Variants in CTNND2 observed in about 807,000 individuals in gnomAD.
The protein encoded by CTNND2 is catenin delta-2.
A neutral mutation model predicts 144.4 loss-of-function variants in CTNND2; 22 were observed. The ratio of observed to expected loss-of-function variants is 0.15; its 90% confidence interval spans 0.11 to 0.22. The LOEUF is 0.22. Among genes scored for constraint, CTNND2 ranks in the 10% least tolerant of loss-of-function variants. CTNND2 has a pLI of 1.00. For synonymous variants in CTNND2, 751 were observed against 695.6 expected (o/e 1.08, Z -1.25); for missense variants, 1,353 against 1,618.8 (o/e 0.84, Z 2.82).
At chr5:11,179,993 C>T (rs142538596) in intron 11 of CTNND2, among the ~76,000 whole-genome samples, 2 of 152,300 alleles carry the variant, frequency 1.3e-5, no homozygotes, top group South Asian at 2.1e-4. Flanking sequence ...ATTGAGGGAT[C>T]GCTGAGGCTA....
chr5:11,052,214 A>G (rs1219904922), intron 16 of CTNND2, among the ~76,000 whole-genome samples: 1 of 152,140 alleles, frequency 6.6e-6, no homozygotes, highest in East Asian at 1.9e-4. Flanking sequence ...TCTCAATATC[A>G]TCTGGCTTTT....
At chr5:11,349,021 A>T (rs1293070138) in intron 8 of CTNND2, among the ~76,000 whole-genome samples, 1 of 152,112 alleles carries the variant, frequency 6.6e-6, no homozygotes, top group Non-Finnish European at 1.5e-5. Context: ...AAAGGTGGAG[A>T]ACTGGTTCCT....
rs578098885 is a variant in CTNND2, at chr5:11,385,089, CGCGGCGGCGGCG to C, written c.741_752del (p.Ala248_Ala251del). On this transcript the variant is annotated inframe_deletion, in exon 7 of 22. Coordinates refer to ENST00000304623, the MANE Select transcript of CTNND2 (RefSeq NM_001332.4). ...GCAGCGTGGAGCTGGAGTAGTAGAG[CGCGGCGGCGGCG>C]GCGGCGGGCGGCGCGTCGGGCAGGT... 8.5e-6 allele frequency: 9 copies of C among 1,054,202 alleles called. No individual in the cohort carries two copies. The highest frequency in any genetic ancestry group is 1.7e-5 in the African/African-American group (1 of 57,612). The allele number at this position is 1,054,202 out of a possible 1,614,324, so 65.3% of individuals were successfully genotyped here.
chr5:11,637,702 C>A (rs1163806731), intron 2 of CTNND2, among the ~76,000 whole-genome samples: 1 of 152,124 alleles, frequency 6.6e-6, no homozygotes, highest in Non-Finnish European at 1.5e-5. Context: ...CAACATCAAT[C>A]TTCTCAACAA....
intron 2 of CTNND2, among the ~76,000 whole-genome samples, chr5:11,702,479 C>G (rs1043198916): frequency 6.6e-6 from 1 of 152,152 alleles, no homozygotes; most frequent in African/African-American, 2.4e-5. Flanking sequence ...GCCCCATGTT[C>G]ATATTAGTTA....
chr5:11,494,482 A>T (rs568770188), intron 3 of CTNND2, among the ~76,000 whole-genome samples: 2 of 152,324 alleles, frequency 1.3e-5, no homozygotes, highest in African/African-American at 2.4e-5. Context: ...AGAAAAAAAA[A>T]TTTGAAATAA....
intron 9 of CTNND2, among the ~76,000 whole-genome samples, chr5:11,240,656 AAC>A (rs1321141513): frequency 1.4e-5 from 2 of 138,746 alleles, no homozygotes; most frequent in African/African-American, 5.5e-5. Flanking sequence ...CCCAACACCC[AAC>A]ACACTCACCC....
At chr5:11,599,535 T>C (rs1462387089) in intron 2 of CTNND2, among the ~76,000 whole-genome samples, 2 of 152,176 alleles carry the variant, frequency 1.3e-5, no homozygotes, top group African/African-American at 2.4e-5. Flanking sequence ...TTGCCATATA[T>C]AGCATTTCTT....
At chr5:11,493,495 T>C (rs1231920544) in intron 3 of CTNND2, among the ~76,000 whole-genome samples, 1 of 152,228 alleles carries the variant, frequency 6.6e-6, no homozygotes, top group Admixed American at 6.5e-5. Flanking sequence ...TGAATTAACT[T>C]AATGTTTAAA....
At position 11,412,027 on chromosome 5, in the gene CTNND2, G is replaced by T. The variant is rs1189052819; in HGVS notation, c.322+8C>A. On this transcript the variant is annotated splice_region_variant and intron_variant, in intron 4 of 21. Transcript: ENST00000304623. ...AGTGTAAGTGTTCATCAATAAGATAGACATTACCTTGTGACTGCCACTGAA... is the reference window on the plus strand; with the variant it reads ...AGTGTAAGTGTTCATCAATAAGATATACATTACCTTGTGACTGCCACTGAA... 1.2e-6 allele frequency: 2 copies of T among 1,606,778 alleles called. No individual in the cohort carries two copies. The highest frequency in any genetic ancestry group is 3.3e-5 in the Admixed American group (2 of 59,962).
At chr5:11,208,867 A>G (rs1580592874) in intron 10 of CTNND2, among the ~76,000 whole-genome samples, 1 of 152,304 alleles carries the variant, frequency 6.6e-6, no homozygotes, top group East Asian at 1.9e-4. Flanking sequence ...AGAAGTTTAG[A>G]TACTTAGCAT....
chr5:11,651,605 C>A lies in CTNND2; in HGVS notation c.174+80531G>T, dbSNP rs79358978. On this transcript the variant is annotated intron_variant, in intron 2 of 21. Coordinates refer to ENST00000304623, the MANE Select transcript of CTNND2 (RefSeq NM_001332.4). ...ATAGGCATGTGGCCCATGAAAGCAG[C>A]CACAGAAGCTGTAACCTGCAAAGCC... Among the ~76,000 whole-genome samples, 31 of 152,332 alleles carry A rather than the reference C, an allele frequency of 2.0e-4. No homozygotes were observed. In the East Asian group the frequency reaches 5.8e-3, roughly 28 times the overall value.
intron 3 of CTNND2, among the ~76,000 whole-genome samples, chr5:11,425,753 C>A (rs1487714422): frequency 6.6e-6 from 1 of 152,210 alleles, no homozygotes; most frequent in Non-Finnish European, 1.5e-5. Context: ...TTTTTATCAT[C>A]TCTTGCCTGG....
intron 9 of CTNND2, among the ~76,000 whole-genome samples, chr5:11,303,309 TGCTCATGGA>T (rs1439374367): frequency 6.6e-6 from 1 of 152,224 alleles, no homozygotes; most frequent in Non-Finnish European, 1.5e-5. Context: ...CAGTACAGGT[TGCTCATGGA>T]ACTCACAAGG....
chr5:11,604,917 TTTAA>T (rs1779974802), intron 2 of CTNND2, among the ~76,000 whole-genome samples: 1 of 152,198 alleles, frequency 6.6e-6, no homozygotes, highest in Non-Finnish European at 1.5e-5. Flanking sequence ...TTATCTGTGC[TTTAA>T]GAATGTTGAG....
In CTNND2 at chr5:11,262,761, CAAAAAAAAAAAAAA is replaced by C. The variant is rs11289676; in HGVS notation, c.1629-25952_1629-25939del. ...TGGGTGACAGAGTAAGACTCTGTCT[CAAAAAAAAAAAAAA>C]AAAAAAAAAAAAAGAAAGAAAGAAA... On this transcript the variant is annotated intron_variant, in intron 9 of 21. Transcript: ENST00000304623. Among the ~76,000 whole-genome samples, 47 of 45,698 alleles carry C rather than the reference CAAAAAAAAAAAAAA, an allele frequency of 1.0e-3. 1 individual carries two copies. The highest frequency in any genetic ancestry group is 4.2e-3 in the African/African-American group (43 of 10,326). 30.0% of individuals were successfully genotyped at this position (45,698 alleles called of 152,430 possible).
At chr5:11,607,623 C>T (rs1780115537) in intron 2 of CTNND2, among the ~76,000 whole-genome samples, 1 of 152,118 alleles carries the variant, frequency 6.6e-6, no homozygotes, top group African/African-American at 2.4e-5. Flanking sequence ...ATCCTCCATT[C>T]AAAATTATGG....
At chr5:11,549,023 T>C (rs1775518447) in intron 3 of CTNND2, among the ~76,000 whole-genome samples, 1 of 151,980 alleles carries the variant, frequency 6.6e-6, no homozygotes, top group Non-Finnish European at 1.5e-5. Context: ...TAGAAAAGAG[T>C]TAATTTAAAT....
chr5:11,034,935 A>G (rs563900882), intron 16 of CTNND2, among the ~76,000 whole-genome samples: 35 of 151,758 alleles, frequency 2.3e-4, no homozygotes, highest in African/African-American at 8.5e-4. Flanking sequence ...GGTTAGTTAC[A>G]TATGTATACA....
Sources: allele counts gnomAD v4.1 joint callset (sites outside exome capture counted in the v4.1 genomes callset), GRCh38; gene constraint gnomAD v4.1.1; transcripts MANE v1.5; gene names NCBI Gene and HGNC (gene_info 2026-07-23, HGNC 2026-07-21).